GRAMD1C: variants seen among roughly 807,000 people sequenced by gnomAD.
GRAMD1C encodes the protein GRAM domain containing 1C, also known as protein Aster-C.
A neutral mutation model predicts 97.8 loss-of-function variants in GRAMD1C; 89 were observed. The ratio of observed to expected loss-of-function variants is 0.91; its 90% CI spans 0.77 to 1.09. The LOEUF (loss-of-function observed/expected upper bound fraction) is 1.09, where lower values mean the gene tolerates loss of function less well. GRAMD1C is among the 50% of genes least tolerant of loss of function. GRAMD1C has a pLI of 0.00. For missense variants in GRAMD1C, 740 were observed against 766.4 expected (o/e 0.97, Z 0.41); for synonymous variants, 256 against 267.0 (o/e 0.96, Z 0.40).
In GRAMD1C at chr3:113,922,066, TTTTC is replaced by T. The variant is rs570677467; in HGVS notation, c.1090+6236_1090+6239del. On this transcript the variant is annotated intron_variant, in intron 10 of 17. Transcript: ENST00000358160. ...TGTGTCCAGAATGGTATTTTCTAAA[TTTTC>T]TTTCTTTTTTTTTTCTTTTTCGAGA... Among the ~76,000 whole-genome samples the T allele has an allele frequency of 3.6e-4, 55 of 152,072 alleles. 1 individual carries two copies. In the East Asian group the frequency reaches 8.7e-3, roughly 24 times the overall value.
intron 9 of GRAMD1C, 108 bp from the exon 10 acceptor site, chr3:113,915,593 C>A: frequency 1.3e-6 from 1 of 790,676 alleles, no homozygotes; most frequent in Non-Finnish European, 2.0e-6. Flanking sequence ...TATTTAAAAA[C>A]CATTTTATGC....
intron 2 of GRAMD1C, among the ~76,000 whole-genome samples, chr3:113,847,431 A>G (rs370408470): frequency 1.8e-4 from 28 of 152,378 alleles, no homozygotes; most frequent in South Asian, 4.1e-4. Context: ...GGCATGTGCA[A>G]TGAAACCTGG....
chr3:113,910,361 T>C (rs1010044593), intron 9 of GRAMD1C, among the ~76,000 whole-genome samples: 4 of 152,074 alleles, frequency 2.6e-5, no homozygotes, highest in African/African-American at 9.7e-5. Context: ...CCAGCCTGGG[T>C]GACAGTGTGA....
At chr3:113,886,645 A>G (rs1368180288) in intron 6 of GRAMD1C, among the ~76,000 whole-genome samples, 1 of 152,168 alleles carries the variant, frequency 6.6e-6, no homozygotes, top group Non-Finnish European at 1.5e-5. Flanking sequence ...AAATTAGAAA[A>G]AGGACAGCAA....
At chr3:113,912,150 A>G (rs1936626372) in intron 9 of GRAMD1C, among the ~76,000 whole-genome samples, 1 of 152,084 alleles carries the variant, frequency 6.6e-6, no homozygotes. Flanking sequence ...TCTACTTCCT[A>G]TGGTTAGAGT....
intron 6 of GRAMD1C, among the ~76,000 whole-genome samples, chr3:113,890,194 G>C (rs77688335): frequency 0.01 from 1,545 of 152,282 alleles, 21 homozygotes; most frequent in African/African-American, 0.034. Context: ...GAGGAGAAAA[G>C]CTGGTGTGGG....
At chr3:113,939,781 CAG>C (rs1937679607) in intron 15 of GRAMD1C, 103 bp from the exon 16 acceptor site, 1 of 602,998 alleles carries the variant, frequency 1.7e-6, no homozygotes, top group East Asian at 2.9e-5. Context: ...CAATGAAAAA[CAG>C]TGTAGACAAT....
chr3:113,911,312 T>G (rs1028747894), intron 9 of GRAMD1C, among the ~76,000 whole-genome samples: 2 of 151,868 alleles, frequency 1.3e-5, no homozygotes, highest in African/African-American at 4.8e-5. Context: ...CTTGGCTCAC[T>G]GCAATCTCTG....
intron 11 of GRAMD1C, among the ~76,000 whole-genome samples, chr3:113,931,131 A>T (rs549299089): frequency 1.3e-5 from 2 of 152,260 alleles, no homozygotes; most frequent in African/African-American, 4.8e-5. Context: ...TTTAAAAGAG[A>T]TATATGGAAG....
At chr3:113,925,142 C>T (rs889229001) in intron 10 of GRAMD1C, among the ~76,000 whole-genome samples, 1 of 152,048 alleles carries the variant, frequency 6.6e-6, no homozygotes, top group Non-Finnish European at 1.5e-5. Context: ...TTTTCTCCAC[C>T]CCTTTACATT....
intron 1 of GRAMD1C, among the ~76,000 whole-genome samples, chr3:113,832,825 C>G (rs193089495): frequency 2.6e-4 from 40 of 152,268 alleles, no homozygotes; most frequent in Admixed American, 2.5e-3. Flanking sequence ...GACTGGCTTT[C>G]TGTGTGTGCT....
intron 9 of GRAMD1C, among the ~76,000 whole-genome samples, chr3:113,913,551 C>G (rs972417196): frequency 6.6e-6 from 1 of 151,512 alleles, no homozygotes; most frequent in Non-Finnish European, 1.5e-5. Flanking sequence ...TGTATAGATT[C>G]ATTATTGCAC....
Position 113,938,068 on chromosome 3 carries a change from T to TTTTC in GRAMD1C, c.1634-15_1634-12dup. The stretch of plus-strand genomic sequence containing the variant: ...CACAATTCTCATTCTAATGCAGCCT[T>TTTTC]TTTCTTGTGATCTACAGGAAAGAAA... On this transcript the variant is annotated splice_polypyrimidine_tract_variant and intron_variant, in intron 14 of 17. Transcript: ENST00000358160. The TTTTC allele has an allele frequency of 7.1e-7, 1 of 1,405,018 alleles. No homozygotes were observed. The allele number at this position is 1,405,018 out of a possible 1,614,324, so 87.0% of individuals were successfully genotyped here.
intron 2 of GRAMD1C, among the ~76,000 whole-genome samples, chr3:113,860,662 T>C (rs1934331731): frequency 1.3e-5 from 2 of 152,046 alleles, no homozygotes; most frequent in Admixed American, 1.3e-4. Context: ...ATAGTGTGGA[T>C]TGGCATAAAA....
At chr3:113,881,614 T>C (rs146267509) in intron 5 of GRAMD1C, among the ~76,000 whole-genome samples, 52 of 152,304 alleles carry the variant, frequency 3.4e-4, no homozygotes, top group African/African-American at 1.2e-3. Flanking sequence ...TACTAAGCTA[T>C]ATAGTACAAG....
chr3:113,889,779 C>G (rs1391604750), intron 6 of GRAMD1C, among the ~76,000 whole-genome samples: 2 of 151,966 alleles, frequency 1.3e-5, no homozygotes, highest in African/African-American at 4.8e-5. Flanking sequence ...GCTGGGATTA[C>G]AGGCATGCGC....
intron 5 of GRAMD1C, among the ~76,000 whole-genome samples, chr3:113,881,405 A>G (rs1935256483): frequency 1.3e-5 from 2 of 152,208 alleles, no homozygotes; most frequent in Admixed American, 1.3e-4. Flanking sequence ...TGATCCACCC[A>G]TCTCGGCCTC....
Position 113,887,496 on chromosome 3 carries a change from C to T in GRAMD1C, c.540+4664C>T, listed in dbSNP as rs1357547326. 2.6e-5 allele frequency among the ~76,000 whole-genome samples: 4 copies of T among 151,802 alleles called. No individual in the cohort carries two copies. The East Asian group carries it at 5.9e-4, about 22-fold the overall frequency. The stretch of plus-strand genomic sequence containing the variant: ...TGGGTGGGTCACGAGGTCAGGAGAT[C>T]GAGACCATCCTGGCTAACATGGTGA... On this transcript the variant is annotated intron_variant, in intron 6 of 17. Transcript: ENST00000358160.
At chr3:113,861,993 A>G (rs1934395253) in intron 2 of GRAMD1C, among the ~76,000 whole-genome samples, 1 of 152,158 alleles carries the variant, frequency 6.6e-6, no homozygotes, top group African/African-American at 2.4e-5. Flanking sequence ...AGTGATTTTC[A>G]AAAGGGGAGG....
Sources: gnomAD v4.1 joint callset for allele counts (sites outside exome capture counted in the v4.1 genomes callset) on GRCh38, gnomAD v4.1.1 for gene constraint, MANE v1.5 for transcripts, NCBI Gene and HGNC (gene_info 2026-07-23, HGNC 2026-07-21) for gene names.